Variants in MGAT4C observed in about 807,000 individuals in gnomAD.
The protein encoded by MGAT4C is MGAT4 family member C.
Under a neutral mutation model 40.1 loss-of-function variants are expected in MGAT4C, and 19 were observed. The ratio of observed to expected loss-of-function variants is 0.47; its 90% confidence interval spans 0.33 to 0.70. The LOEUF is 0.70. Among genes scored for constraint, MGAT4C ranks in the 30% least tolerant of loss-of-function variants. MGAT4C has a pLI of 0.02. For missense variants in MGAT4C, 491 were observed against 563.2 expected, an observed-to-expected ratio of 0.87 and a Z score of 1.30; for synonymous variants, 181 against 187.1, an observed-to-expected ratio of 0.97 and a Z score of 0.27.
At chr12:86,340,114 G>A (rs911722494) in intron 3 of MGAT4C, among the ~76,000 whole-genome samples, 4 of 152,106 alleles carry the variant, frequency 2.6e-5, no homozygotes, top group African/African-American at 9.7e-5. Context: ...CTCCAGATTA[G>A]CTTTTATAAA....
chr12:86,693,775 A>G (rs1030964373), intron 2 of MGAT4C, among the ~76,000 whole-genome samples: 18 of 152,172 alleles, frequency 1.2e-4, no homozygotes, highest in African/African-American at 4.3e-4. Context: ...GATTATTTCA[A>G]TAATAAAATA....
chr12:86,149,644 A>G (rs1884019284), intron 1 of MGAT4C, among the ~76,000 whole-genome samples: 1 of 152,202 alleles, frequency 6.6e-6, no homozygotes. Flanking sequence ...CTTAACTGAC[A>G]AAGAAAGCTG....
chr12:86,389,144 G>A (rs1203470481), intron 3 of MGAT4C, among the ~76,000 whole-genome samples: 1 of 152,074 alleles, frequency 6.6e-6, no homozygotes, highest in African/African-American at 2.4e-5. Flanking sequence ...CATCACCCAG[G>A]TATTAAGCCT....
At chr12:86,532,883 A>G (rs1184089249) in intron 2 of MGAT4C, among the ~76,000 whole-genome samples, 1 of 152,022 alleles carries the variant, frequency 6.6e-6, no homozygotes, top group African/African-American at 2.4e-5. Context: ...TCTCAGTTAT[A>G]CCAAGCTGAT....
intron 2 of MGAT4C, among the ~76,000 whole-genome samples, chr12:86,721,710 G>C (rs1277408847): frequency 6.6e-6 from 1 of 152,148 alleles, no homozygotes; most frequent in Admixed American, 6.5e-5. Context: ...TTGCAGAATT[G>C]GGACTGTTTT....
chr12:86,772,086 G>A (rs1024123182), intron 1 of MGAT4C, among the ~76,000 whole-genome samples: 1 of 152,112 alleles, frequency 6.6e-6, no homozygotes, highest in Non-Finnish European at 1.5e-5. Context: ...CAGAAAACCT[G>A]TTCTGGAGGA....
intron 2 of MGAT4C, among the ~76,000 whole-genome samples, chr12:85,993,942 TG>T (rs1267022059): frequency 6.6e-6 from 1 of 151,252 alleles, no homozygotes; most frequent in East Asian, 2.0e-4. Context: ...GATGGTGGCA[TG>T]GGGTCCTTCC....
chr12:86,401,829 A>G (rs1428726880), intron 3 of MGAT4C, among the ~76,000 whole-genome samples: 1 of 152,152 alleles, frequency 6.6e-6, no homozygotes, highest in East Asian at 1.9e-4. Context: ...AAGTACATGA[A>G]ACATGAAAAA....
intron 1 of MGAT4C, among the ~76,000 whole-genome samples, chr12:86,239,577 C>A (rs995015358): frequency 1.1e-4 from 16 of 152,016 alleles, no homozygotes; most frequent in Middle Eastern, 3.4e-3. Context: ...TCCCATTAAT[C>A]CTTGGAGCAT....
chr12:86,235,365 A>G (rs1296237811), intron 1 of MGAT4C, among the ~76,000 whole-genome samples: 4 of 152,194 alleles, frequency 2.6e-5, no homozygotes, highest in Admixed American at 6.5e-5. Flanking sequence ...GGGATTTTTT[A>G]TAAAATATAA....
At chr12:86,321,138 T>C (rs1355671607) in intron 4 of MGAT4C, among the ~76,000 whole-genome samples, 1 of 152,172 alleles carries the variant, frequency 6.6e-6, no homozygotes, top group Non-Finnish European at 1.5e-5. Flanking sequence ...TCTTAAAGTA[T>C]CAATCTTTCA....
intron 2 of MGAT4C, among the ~76,000 whole-genome samples, chr12:86,561,320 C>A (rs182967063): frequency 1.3e-5 from 2 of 152,210 alleles, no homozygotes; most frequent in Admixed American, 1.3e-4. Flanking sequence ...AAGTATTGTT[C>A]CTGGGTGTGT....
At chr12:86,042,484 C>A (rs1360035515) in intron 2 of MGAT4C, among the ~76,000 whole-genome samples, 2 of 152,042 alleles carry the variant, frequency 1.3e-5, no homozygotes, top group Admixed American at 1.3e-4. Context: ...ACCTTCAGGA[C>A]CTCTTGTACA....
chr12:86,085,065 A>C (rs1871504666), intron 1 of MGAT4C, among the ~76,000 whole-genome samples: 1 of 151,730 alleles, frequency 6.6e-6, no homozygotes, highest in Non-Finnish European at 1.5e-5. Context: ...AAAGCCATGC[A>C]CTCTCACAAT....
chr12:86,277,505 T>C (rs954724421), intron 4 of MGAT4C, among the ~76,000 whole-genome samples: 2 of 152,174 alleles, frequency 1.3e-5, no homozygotes, highest in African/African-American at 4.8e-5. Flanking sequence ...CATTGTTTCC[T>C]TTTTAGCCTT....
chr12:86,454,571 A>G (rs2136290010), intron 2 of MGAT4C, among the ~76,000 whole-genome samples: 1 of 150,766 alleles, frequency 6.6e-6, no homozygotes, highest in South Asian at 2.1e-4. Context: ...ATAGGTAGAT[A>G]GACAGACAGA....
chr12:86,587,638 T>C (rs1219262883), intron 2 of MGAT4C, among the ~76,000 whole-genome samples: 1 of 152,092 alleles, frequency 6.6e-6, no homozygotes, highest in Non-Finnish European at 1.5e-5. Context: ...CAGTGGTTTG[T>C]AGTTCTCCTT....
intron 1 of MGAT4C, among the ~76,000 whole-genome samples, chr12:86,078,264 G>C (rs1452451654): frequency 6.6e-6 from 1 of 152,104 alleles, no homozygotes; most frequent in African/African-American, 2.4e-5. Flanking sequence ...ACTTCAAAAG[G>C]CCATTCCACC....
intron 1 of MGAT4C, among the ~76,000 whole-genome samples, chr12:86,774,120 A>G (rs1951688668): frequency 6.6e-6 from 1 of 151,012 alleles, no homozygotes; most frequent in African/African-American, 2.4e-5. Flanking sequence ...TGCTCTGCTA[A>G]TTTTTGTATT....
Sources: gnomAD v4.1 joint callset for allele counts (sites outside exome capture counted in the v4.1 genomes callset) on GRCh38, gnomAD v4.1.1 for gene constraint, MANE v1.5 for transcripts, NCBI Gene and HGNC (gene_info 2026-07-23, HGNC 2026-07-21) for gene names.